Variants in FBXO42 observed in about 807,000 individuals in gnomAD.
The protein encoded by FBXO42 is F-box protein 42, also known as F-box only protein 42.
In FBXO42, 12 loss-of-function variants were observed where a neutral mutation model predicts 71.7. The ratio of observed to expected loss-of-function variants is 0.17; its 90% confidence interval spans 0.11 to 0.27. FBXO42 has a LOEUF of 0.27. Ranked by LOEUF, FBXO42 falls within the 10% of genes least tolerant of loss-of-function variation. The pLI, the probability that FBXO42 is intolerant of heterozygous loss-of-function variation, is 1.00. For missense variants in FBXO42, 707 were observed against 911.9 expected (o/e 0.78, Z 2.89); for synonymous variants, 325 against 327.5 (o/e 0.99, Z 0.08).
intron 4 of FBXO42, among the ~76,000 whole-genome samples, chr1:16,258,248 T>G (rs1047871348): frequency 5.3e-5 from 8 of 152,210 alleles, no homozygotes; most frequent in Admixed American, 5.2e-4. Context: ...ACTGTCTTTC[T>G]TGTGATCTCA....
chr1:16,252,529 T>G lies in FBXO42; in HGVS notation c.922-125A>C. 1 of 689,862 alleles carries G rather than the reference T, an allele frequency of 1.4e-6. No homozygotes were observed. Among genetic ancestry groups the G allele is most frequent in the Non-Finnish European group, 2.5e-6 (1 of 400,208 alleles). 42.7% of individuals were successfully genotyped at this position (689,862 alleles called of 1,614,324 possible). ...AAAGGATGTGGACTCTTCAGAAGGA[T>G]AGCAAAATCCTCAGTTAATTATTCA... On this transcript the variant is annotated intron_variant, in intron 8 of 9. Transcript: ENST00000375592. This position sits in a 1 kb window ranked among gnomAD's most constrained non-coding sequence, Gnocchi z 4.4.
chr1:16,342,957 C>T (rs1486599419), intron 1 of FBXO42, among the ~76,000 whole-genome samples: 6 of 152,138 alleles, frequency 3.9e-5, no homozygotes, highest in Non-Finnish European at 8.8e-5. Context: ...TCCTGCCACA[C>T]TGTGATACAG....
At chr1:16,253,055 T>C in intron 8 of FBXO42, 41 bp downstream of exon 8, 1 of 1,576,970 alleles carries the variant, frequency 6.3e-7, no homozygotes, top group Admixed American at 1.7e-5. Flanking sequence ...TTTGAACACT[T>C]AGTAGCATGC....
intron 1 of FBXO42, among the ~76,000 whole-genome samples, chr1:16,344,390 C>T (rs2082636027): frequency 6.6e-6 from 1 of 150,832 alleles, no homozygotes; most frequent in African/African-American, 2.4e-5. Context: ...TTGATCTCAG[C>T]TCACTGCAAC....
intron 1 of FBXO42, among the ~76,000 whole-genome samples, chr1:16,343,008 T>G (rs916759785): frequency 1.6e-4 from 25 of 152,306 alleles, no homozygotes; most frequent in Admixed American, 9.2e-4. Flanking sequence ...GGACTTGAAC[T>G]TCCTAGCCTG....
chr1:16,314,037 T>C (rs1052087684), intron 2 of FBXO42, among the ~76,000 whole-genome samples: 2 of 152,150 alleles, frequency 1.3e-5, no homozygotes, highest in Non-Finnish European at 2.9e-5. Context: ...CACTGCAACC[T>C]CTGCCTCCTG....
chr1:16,315,149 C>G lies in FBXO42; in HGVS notation c.250+20G>C, dbSNP rs780617477. ...TGAAATTTGAAATCAATAAATAAAC[C>G]TTTCTCCTATCCACAGTACCTTTGA... On this transcript the variant is annotated intron_variant, in intron 2 of 9. Coordinates refer to ENST00000375592, the MANE Select transcript of FBXO42 (RefSeq NM_018994.3). 6.4e-7 allele frequency: 1 copy of G among 1,569,066 alleles called. No homozygotes were observed. Among genetic ancestry groups the G allele is most frequent in the South Asian group, 1.2e-5 (1 of 84,256 alleles).
intron 2 of FBXO42, among the ~76,000 whole-genome samples, chr1:16,312,030 A>G (rs1316723727): frequency 6.6e-6 from 1 of 152,068 alleles, no homozygotes; most frequent in Non-Finnish European, 1.5e-5. Context: ...AATATTACTC[A>G]GCACTAACAA....
chr1:16,255,205 A>G (rs2081627532), intron 6 of FBXO42, among the ~76,000 whole-genome samples: 1 of 152,234 alleles, frequency 6.6e-6, no homozygotes, highest in Non-Finnish European at 1.5e-5. Flanking sequence ...GAGATTCTAT[A>G]TAACTATGAT....
chr1:16,348,414 A>T (rs1405500122), intron 1 of FBXO42, among the ~76,000 whole-genome samples: 2 of 152,108 alleles, frequency 1.3e-5, no homozygotes, highest in Non-Finnish European at 2.9e-5. Context: ...GTTTAGTGTA[A>T]TTCGTCGGGA....
chr1:16,299,791 C>A (rs897620921), intron 3 of FBXO42, among the ~76,000 whole-genome samples: 1 of 151,992 alleles, frequency 6.6e-6, no homozygotes, highest in Admixed American at 6.6e-5. Flanking sequence ...ACCACAGGCA[C>A]GCGCTACCAT....
intron 1 of FBXO42, among the ~76,000 whole-genome samples, chr1:16,336,309 T>C (rs1007826613): frequency 7.9e-5 from 12 of 152,040 alleles, no homozygotes; most frequent in Middle Eastern, 3.4e-3. Flanking sequence ...GATCGTAATA[T>C]TCTCTCTTCC....
In FBXO42 at chr1:16,249,739, AAGAAAC is replaced by A. The variant is rs1476369128; in HGVS notation, c.*925_*930del. On this transcript the variant is annotated 3_prime_UTR_variant, in exon 10 of 10. Transcript: ENST00000375592. ...TTCTGTAGGCACCTGAGCTTTGTAA[AAGAAAC>A]AGAAAGTCAGACAGGTTTTAGGACT... The A allele has an allele frequency of 6.6e-6, 1 of 152,158 alleles. No homozygotes were observed. The highest frequency in any genetic ancestry group is 1.5e-5 in the Non-Finnish European group (1 of 68,018). 9.4% of individuals were successfully genotyped at this position (152,158 alleles called of 1,614,324 possible). A position where few individuals can be genotyped will look rare whatever the true frequency, so the allele number is the denominator to read the frequency against.
intron 2 of FBXO42, 21 bp downstream of exon 2, chr1:16,315,148 C>A (rs1569910576): frequency 6.4e-7 from 1 of 1,570,654 alleles, no homozygotes; most frequent in South Asian, 1.2e-5. Context: ...AATAAATAAA[C>A]CTTTCTCCTA....
chr1:16,283,697 A>G (rs754156394), intron 4 of FBXO42, among the ~76,000 whole-genome samples: 18 of 151,744 alleles, frequency 1.2e-4, no homozygotes, highest in Non-Finnish European at 1.3e-4. Flanking sequence ...GGATTTCACT[A>G]TCTTGACCAG....
At chr1:16,351,948 C>G (rs1053403680) in intron 1 of FBXO42, among the ~76,000 whole-genome samples, 2 of 152,164 alleles carry the variant, frequency 1.3e-5, no homozygotes, top group Non-Finnish European at 2.9e-5. Context: ...ACCTGACACC[C>G]TAAAGCCATC....
At chr1:16,253,276 CTCTCCAT>C in intron 7 of FBXO42, 124 bp from the exon 8 acceptor site, 1 of 733,160 alleles carries the variant, frequency 1.4e-6, no homozygotes, top group Non-Finnish European at 2.2e-6. Flanking sequence ...TTACCATAAC[CTCTCCAT>C]TCTCCTAAAA....
At chr1:16,274,745 C>A (rs2081881818) in intron 4 of FBXO42, among the ~76,000 whole-genome samples, 1 of 144,800 alleles carries the variant, frequency 6.9e-6, no homozygotes, top group South Asian at 2.1e-4. Context: ...GCACCCACCA[C>A]CATGCCCAGC....
intron 3 of FBXO42, among the ~76,000 whole-genome samples, chr1:16,300,651 C>T (rs112704123): frequency 0.012 from 1,838 of 152,196 alleles, 32 homozygotes; most frequent in African/African-American, 0.042. Context: ...TCTCTAATTA[C>T]GTAACTATGA....
Sources: allele counts gnomAD v4.1 joint callset (sites outside exome capture counted in the v4.1 genomes callset), GRCh38; gene constraint gnomAD v4.1.1; non-coding constraint Gnocchi (gnomAD v3.1); transcripts MANE v1.5; gene names NCBI Gene and HGNC (gene_info 2026-07-23, HGNC 2026-07-21).